TTC7B: variants seen among roughly 807,000 people sequenced by gnomAD.
TTC7B encodes the protein tetratricopeptide repeat domain 7B, also known as tetratricopeptide repeat protein 7B.
Under a neutral mutation model 106.8 loss-of-function variants are expected in TTC7B, and 28 were observed. The observed-to-expected ratio is 0.26, with a 90% confidence interval of 0.19 to 0.36. The LOEUF (loss-of-function observed/expected upper bound fraction) is 0.36. Ranked by LOEUF, TTC7B falls within the 10% of genes least tolerant of loss-of-function variation. TTC7B has a pLI of 1.00. For synonymous variants in TTC7B, 405 were observed against 430.6 expected (o/e 0.94, Z 0.74); for missense variants, 862 against 1,076.4 (o/e 0.80, Z 2.79).
chr14:90,665,553 A>G (rs1009525523), intron 9 of TTC7B, among the ~76,000 whole-genome samples: 9 of 152,246 alleles, frequency 5.9e-5, no homozygotes, highest in African/African-American at 9.6e-5. Flanking sequence ...GCTGTACAGT[A>G]CCACAAGCAC....
intron 13 of TTC7B, among the ~76,000 whole-genome samples, chr14:90,649,720 C>T (rs1814193937): frequency 6.6e-6 from 1 of 152,046 alleles, no homozygotes; most frequent in Non-Finnish European, 1.5e-5. Flanking sequence ...ACTTACCCAC[C>T]CATCCACCCA....
chr14:90,814,272 C>T (rs1352955723), intron 1 of TTC7B, among the ~76,000 whole-genome samples: 10 of 152,192 alleles, frequency 6.6e-5, no homozygotes, highest in Admixed American at 6.5e-5. Context: ...GCCCAGGCCA[C>T]CAAAAACCCA....
chr14:90,814,040 C>A (rs1336492348), intron 1 of TTC7B, among the ~76,000 whole-genome samples: 5 of 152,196 alleles, frequency 3.3e-5, no homozygotes, highest in African/African-American at 1.2e-4. Context: ...GTCCGGGTAA[C>A]TTTTTGCCAT....
chr14:90,637,203 A>G (rs2139872186), intron 15 of TTC7B, among the ~76,000 whole-genome samples: 1 of 152,278 alleles, frequency 6.6e-6, no homozygotes, highest in Non-Finnish European at 1.5e-5. Flanking sequence ...AACTTAACCA[A>G]CAAATGCCAT....
chr14:90,542,334 G>A (rs181746307), intron 19 of TTC7B, among the ~76,000 whole-genome samples: 5 of 152,062 alleles, frequency 3.3e-5, no homozygotes, highest in East Asian at 1.9e-4. Flanking sequence ...CCCCTTCCCC[G>A]ACCAAGGCCC....
intron 1 of TTC7B, among the ~76,000 whole-genome samples, chr14:90,793,093 G>C (rs72695556): frequency 0.043 from 6,459 of 151,900 alleles, 191 homozygotes; most frequent in Non-Finnish European, 0.058. Context: ...GGTTTTATAA[G>C]TGGTGATTTC....
chr14:90,810,257 C>T (rs530084466), intron 1 of TTC7B, among the ~76,000 whole-genome samples: 5 of 152,256 alleles, frequency 3.3e-5, no homozygotes, highest in African/African-American at 1.2e-4. Context: ...ACATAATGCC[C>T]AGTAAACATA....
Position 90,780,815 on chromosome 14 carries a change from A to T in TTC7B, c.368T>A (p.Val123Glu), listed in dbSNP as rs768405562. ...YKEALNIYAR[V>E]GLDDLPLTAV... ...TGTCAGTGGCAGATCGTCCAGGCCCACCCGGGCGTAAATGTTCAGAGCTTC... is the reference window on the plus strand; with the variant it reads ...TGTCAGTGGCAGATCGTCCAGGCCCTCCCGGGCGTAAATGTTCAGAGCTTC... Residue 123 changes from valine to glutamate, a missense_variant, in exon 3 of 20, where the codon GTG becomes GAG. Coordinates refer to ENST00000328459, the MANE Select transcript of TTC7B (RefSeq NM_001010854.2). 30 of 1,614,134 alleles carry T rather than the reference A, an allele frequency of 1.9e-5. No individual in the cohort carries two copies. The highest frequency in any genetic ancestry group is 2.5e-5 in the Non-Finnish European group (30 of 1,180,034).
chr14:90,534,236 T>C lies in TTC7B; in HGVS notation c.*7132A>G, dbSNP rs1479605254. The stretch of plus-strand genomic sequence containing the variant: ...TTTCTGTTCCTATCTGGCTGCAGCG[T>C]GGGCAGGGGCAGCAGGAAATGCATG... On this transcript the variant is annotated 3_prime_UTR_variant, in exon 20 of 20. Transcript: ENST00000328459. 6.6e-6 allele frequency: 1 copy of C among 152,372 alleles called. No homozygotes were observed. Among genetic ancestry groups the C allele is most frequent in the African/African-American group, 2.4e-5 (1 of 41,472 alleles). The allele number at this position is 152,372 out of a possible 1,614,324, so 9.4% of individuals were successfully genotyped here.
intron 5 of TTC7B, among the ~76,000 whole-genome samples, chr14:90,729,656 C>A (rs1371264779): frequency 6.6e-6 from 1 of 152,220 alleles, no homozygotes; most frequent in Non-Finnish European, 1.5e-5. Context: ...TGAGATTTGG[C>A]AAATCCAATT....
At chr14:90,787,782 C>T (rs953149204) in intron 1 of TTC7B, among the ~76,000 whole-genome samples, 2 of 152,142 alleles carry the variant, frequency 1.3e-5, no homozygotes, top group African/African-American at 4.8e-5. Context: ...AGAGATGAGA[C>T]CTAGAGTTCT....
chr14:90,803,886 G>T lies in TTC7B; in HGVS notation c.121+12289C>A, dbSNP rs1231304806. Among the ~76,000 whole-genome samples the T allele has an allele frequency of 2.6e-5, 4 of 151,882 alleles. No homozygotes were observed. The East Asian group carries it at 5.8e-4, about 22-fold the overall frequency. ...AAAAGGTAACCTGAAAGTCACTAGC[G>T]TAGAGCTGGTTTGGCCTGTCCCCGG... On this transcript the variant is annotated intron_variant, in intron 1 of 19. Transcript: ENST00000328459.
At chr14:90,664,737 G>A (rs1886344348) in intron 9 of TTC7B, among the ~76,000 whole-genome samples, 1 of 152,234 alleles carries the variant, frequency 6.6e-6, no homozygotes, top group South Asian at 2.1e-4. Flanking sequence ...ACATGGTAAA[G>A]GCACTGGTTC....
intron 5 of TTC7B, among the ~76,000 whole-genome samples, chr14:90,719,558 G>T (rs922522211): frequency 6.6e-6 from 1 of 152,168 alleles, no homozygotes; most frequent in Non-Finnish European, 1.5e-5. Context: ...CAGGGCAGAT[G>T]GCAAACCTAC....
At chr14:90,711,301 CAAAG>C (rs961983215) in intron 5 of TTC7B, among the ~76,000 whole-genome samples, 1 of 152,090 alleles carries the variant, frequency 6.6e-6, no homozygotes, top group African/African-American at 2.4e-5. Flanking sequence ...TTTTATAACA[CAAAG>C]AAGACGGGGG....
chr14:90,625,278 C>T (rs575273746), intron 15 of TTC7B, among the ~76,000 whole-genome samples: 1 of 152,290 alleles, frequency 6.6e-6, no homozygotes, highest in African/African-American at 2.4e-5. Context: ...CGGCTGGGAA[C>T]AGAGAGTCTG....
chr14:90,591,874 C>G (rs1291918044), intron 18 of TTC7B, among the ~76,000 whole-genome samples: 1 of 152,248 alleles, frequency 6.6e-6, no homozygotes, highest in African/African-American at 2.4e-5. Flanking sequence ...TACTGCTACT[C>G]CTTGGCCCTC....
At chr14:90,760,368 T>C (rs1010799088) in intron 3 of TTC7B, among the ~76,000 whole-genome samples, 4 of 152,144 alleles carry the variant, frequency 2.6e-5, no homozygotes, top group Non-Finnish European at 4.4e-5. Context: ...GTGCATGCCA[T>C]ACCTAGACCT....
chr14:90,732,731 C>T (rs1031642541), intron 4 of TTC7B, among the ~76,000 whole-genome samples: 1 of 152,080 alleles, frequency 6.6e-6, no homozygotes, highest in African/African-American at 2.4e-5. Flanking sequence ...CGCCCGGCTC[C>T]TGAATAATTT....
Sources: allele counts gnomAD v4.1 joint callset (sites outside exome capture counted in the v4.1 genomes callset), GRCh38; gene constraint gnomAD v4.1.1; transcripts MANE v1.5; gene names NCBI Gene and HGNC (gene_info 2026-07-23, HGNC 2026-07-21).